KRT20: variants seen among roughly 807,000 people sequenced by gnomAD.
The protein encoded by KRT20 is keratin 20, also known as keratin, type I cytoskeletal 20.
KRT20 carries 41 observed loss-of-function variants against 43.0 expected under a neutral mutation model. That is an observed-to-expected ratio of 0.95 (90% confidence interval 0.74 to 1.24). KRT20 has a LOEUF of 1.24. Among genes scored for constraint, KRT20 ranks in the 50% most tolerant of loss-of-function variants. The pLI is 0.00. For missense variants in KRT20, 533 were observed against 521.2 expected, an observed-to-expected ratio of 1.02 and a Z score of -0.22; for synonymous variants, 207 against 200.6, an observed-to-expected ratio of 1.03 and a Z score of -0.27.
intron 5 of KRT20, among the ~76,000 whole-genome samples, chr17:40,878,775 T>A (rs139520871): frequency 9.7e-4 from 148 of 151,914 alleles, no homozygotes; most frequent in African/African-American, 3.6e-3. Context: ...GTTAATAAAA[T>A]GCAGGTCAAA....
chr17:40,876,428 A>G lies in KRT20; in HGVS notation c.1208T>C (p.Val403Ala), dbSNP rs917171099. 18 of 1,613,018 alleles carry G rather than the reference A, an allele frequency of 1.1e-5. No individual in the cohort carries two copies. The highest frequency in any genetic ancestry group is 1.4e-5 in the Non-Finnish European group (17 of 1,179,070). ...CTTGCCATCCACTACTTCTTGCACG[A>G]CTGTCTTAATCTTCCTGGTTTTCTT... ...DIKKTRKIKT[V>A]VQEVVDGKVV... is the part of the protein sequence containing the mutation. The change falls in exon 8 of 8, where the codon GTC becomes GCC. Residue 403 changes from valine (V) to alanine (A), a missense_variant. Transcript: ENST00000167588.
In KRT20 at chr17:40,878,362, C is replaced by T; in HGVS notation, c.922G>A (p.Glu308Lys). ...TCCTCTAGAGTGTGCTCCAAAGACT[C>T]TTTCTATGAGCACAAGAAAAATAGG... is the stretch of plus-strand genomic sequence containing the variant. ...IELQSHLSMK[E>K]SLEHTLEETK... Residue 308 changes from glutamate (E) to lysine (K), a missense_variant, in exon 6 of 8, where the codon GAG becomes AAG. By Grantham distance (56) the Glu-to-Lys change is moderately conservative. Transcript: ENST00000167588. 6.2e-7 allele frequency: 1 copy of T among 1,611,732 alleles called. No individual in the cohort carries two copies. Among genetic ancestry groups the T allele is most frequent in the Non-Finnish European group, 8.5e-7 (1 of 1,178,176 alleles).
In KRT20 at chr17:40,880,257, A is replaced by T; in HGVS notation, c.635T>A (p.Val212Asp). 1.9e-6 allele frequency: 3 copies of T among 1,594,034 alleles called. No individual in the cohort carries two copies. The highest frequency in any genetic ancestry group is 1.7e-4 in the Middle Eastern group (1 of 5,970). The change falls in exon 4 of 8, where the codon GTC (valine) becomes GAC (aspartate). Residue 212 changes from valine to aspartate, a missense_variant. Coordinates refer to ENST00000167588, the MANE Select transcript of KRT20 (RefSeq NM_019010.3). ...GCCCAGATGCTTGTGTAGGCCATCG[A>T]CTTCCTATGAAAGTGAAATTTCTGA... ...ALLKKEHQEE[V>D]DGLHKHLGNT...
rs748945864 is a variant in KRT20 at position 40,879,862 on chromosome 17, C to T, written c.869G>A (p.Arg290Lys). Residue 290 changes from arginine (R) to lysine (K), a missense_variant, in exon 5 of 8, where the codon AGA becomes AAA. Coordinates refer to ENST00000167588, the MANE Select transcript of KRT20 (RefSeq NM_019010.3). The part of the protein sequence containing the change: ...KGTEVQLTEL[R>K]RTSQSLEIEL... ...TATCTCAAGGCTCTGGGAGGTGCGT[C>T]TCAGCTCCGTTAGTTGAACCTCAGT... is the stretch of plus-strand genomic sequence containing the variant. The T allele has an allele frequency of 2.5e-6, 4 of 1,613,344 alleles. No individual in the cohort carries two copies. Among genetic ancestry groups the T allele is most frequent in the Non-Finnish European group, 2.5e-6 (3 of 1,179,950 alleles).
chr17:40,882,702 T>C, intron 1 of KRT20, 48 bp from the exon 2 acceptor site: 1 of 580,482 alleles, frequency 1.7e-6, no homozygotes, highest in South Asian at 4.7e-5. Flanking sequence ...TATTTATTTA[T>C]TTATTTATTT....
chr17:40,885,076 C>G lies in KRT20; in HGVS notation c.110G>C (p.Gly37Ala), dbSNP rs758318989. ...QRLGTTPSVY[G>A]GAGGRGIRIS... ...GCGGATGCCCCGGCCTCCAGCACCCCCATAAACGCTGGGTGTCGTCCCGAG... is the reference window on the plus strand; with the variant it reads ...GCGGATGCCCCGGCCTCCAGCACCCGCATAAACGCTGGGTGTCGTCCCGAG... The change falls in exon 1 of 8, where the codon GGG becomes GCG. Residue 37 changes from glycine (G) to alanine (A), a missense_variant. By Grantham distance (60) the Gly-to-Ala change is moderately conservative (BLOSUM62 0). Coordinates refer to ENST00000167588, the MANE Select transcript of KRT20 (RefSeq NM_019010.3). The G allele has an allele frequency of 1.2e-6, 2 of 1,614,156 alleles. No homozygotes were observed. Among genetic ancestry groups the G allele is most frequent in the Non-Finnish European group, 1.7e-6 (2 of 1,180,028 alleles).
intron 6 of KRT20, among the ~76,000 whole-genome samples, chr17:40,877,638 A>G (rs1054549008): frequency 4.6e-5 from 7 of 152,164 alleles, no homozygotes; most frequent in African/African-American, 1.7e-4. Context: ...AGTTTAATAT[A>G]TGCTAAGAAG....
rs1489194924 is a variant in KRT20 at position 40,876,022 on chromosome 17, A to G, written c.*339T>C. 5.3e-6 allele frequency: 1 copy of G among 188,190 alleles called. No individual in the cohort carries two copies. 11.7% of individuals were successfully genotyped at this position (188,190 alleles called of 1,614,324 possible). On this transcript the variant is annotated 3_prime_UTR_variant, in exon 8 of 8. Transcript: ENST00000167588. The stretch of plus-strand genomic sequence containing the variant: ...TACTTTGTGAGGTTTAGTATAATTG[A>G]AATGTATTGCAATTTTCAGGAACAT...
intron 2 of KRT20, among the ~76,000 whole-genome samples, chr17:40,882,177 G>A (rs1907628287): frequency 6.6e-6 from 1 of 152,130 alleles, no homozygotes; most frequent in Non-Finnish European, 1.5e-5. Flanking sequence ...AGAATTACTT[G>A]GAGAATCACC....
chr17:40,882,412 T>C, intron 2 of KRT20, 160 bp downstream of exon 2: 2 of 318,632 alleles, frequency 6.3e-6, no homozygotes, highest in Non-Finnish European at 6.0e-6. Context: ...GAGTGCTGGG[T>C]TAGCTTCATA....
chr17:40,880,264 A>G lies in KRT20; in HGVS notation c.631-3T>C. On this transcript the variant is annotated splice_region_variant and splice_polypyrimidine_tract_variant and intron_variant, in intron 3 of 7. Transcript: ENST00000167588. The stretch of plus-strand genomic sequence containing the variant: ...TGCTTGTGTAGGCCATCGACTTCCT[A>G]TGAAAGTGAAATTTCTGATTGATTT... 6.3e-7 allele frequency: 1 copy of G among 1,588,960 alleles called. No homozygotes were observed. Among genetic ancestry groups the G allele is most frequent in the Non-Finnish European group, 8.6e-7 (1 of 1,165,914 alleles).
In KRT20 at chr17:40,880,253, A is replaced by AATT; in HGVS notation, c.638_639insAAT (p.Asp213delinsGluIle). 1 of 1,596,442 alleles carries AATT rather than the reference A, an allele frequency of 6.3e-7. No homozygotes were observed. The highest frequency in any genetic ancestry group is 1.1e-5 in the South Asian group (1 of 89,508). On this transcript the variant is annotated protein_altering_variant, in exon 4 of 8. Coordinates refer to ENST00000167588, the MANE Select transcript of KRT20 (RefSeq NM_019010.3). The stretch of plus-strand genomic sequence containing the variant: ...TGTTGCCCAGATGCTTGTGTAGGCC[A>AATT]TCGACTTCCTATGAAAGTGAAATTT...
chr17:40,884,786 C>A lies in KRT20; in HGVS notation c.390+10G>T. ...AACACAGAGTAGGAAACACAAGCATCATCTCTCACCTGACTTCGCAGCTCT... is the reference window on the plus strand; with the variant it reads ...AACACAGAGTAGGAAACACAAGCATAATCTCTCACCTGACTTCGCAGCTCT... On this transcript the variant is annotated intron_variant, in intron 1 of 7. Coordinates refer to ENST00000167588, the MANE Select transcript of KRT20 (RefSeq NM_019010.3). 2 of 1,605,194 alleles carry A rather than the reference C, an allele frequency of 1.2e-6. No individual in the cohort carries two copies. Among genetic ancestry groups the A allele is most frequent in the Non-Finnish European group, 1.7e-6 (2 of 1,174,160 alleles).
intron 1 of KRT20, among the ~76,000 whole-genome samples, chr17:40,883,404 A>G (rs1262391683): frequency 6.6e-6 from 1 of 152,178 alleles, no homozygotes; most frequent in Non-Finnish European, 1.5e-5. Context: ...GAACTGGATG[A>G]TCTGCCTGTG....
chr17:40,880,899 T>A, intron 2 of KRT20, 129 bp from the exon 3 acceptor site: 1 of 585,540 alleles, frequency 1.7e-6, no homozygotes, highest in Admixed American at 3.2e-5. Flanking sequence ...TTATAATGTC[T>A]GCCTTTACAC....
intron 1 of KRT20, among the ~76,000 whole-genome samples, chr17:40,884,412 G>C (rs528974749): frequency 6.6e-6 from 1 of 152,048 alleles, no homozygotes; most frequent in Non-Finnish European, 1.5e-5. Context: ...GAATTTACTG[G>C]GGTTTCAAAA....
rs775956121 is a variant in KRT20 at position 40,876,434 on chromosome 17, T to C, written c.1202A>G (p.Lys401Arg). The C allele has an allele frequency of 6.2e-7, 1 of 1,612,336 alleles. No individual in the cohort carries two copies. The highest frequency in any genetic ancestry group is 8.5e-7 in the Non-Finnish European group (1 of 1,178,490). The change falls in exon 8 of 8, where the codon AAG (lysine) becomes AGG (arginine). Residue 401 changes from lysine to arginine, a missense_variant. Physicochemically the swap from Lys to Arg is conservative, Grantham distance 26. Transcript: ENST00000167588. ...ERDIKKTRKI[K>R]TVVQEVVDGK... ...ATCCACTACTTCTTGCACGACTGTCTTAATCTTCCTGGTTTTCTTTATATC... is the reference window on the plus strand; with the variant it reads ...ATCCACTACTTCTTGCACGACTGTCCTAATCTTCCTGGTTTTCTTTATATC...
At chr17:40,882,493 A>G (rs1301373695) in intron 2 of KRT20, 79 bp downstream of exon 2, 2 of 625,312 alleles carry the variant, frequency 3.2e-6, no homozygotes, top group South Asian at 5.4e-5. Flanking sequence ...ATCAACAATG[A>G]TATGGAAAGC....
intron 1 of KRT20, 132 bp downstream of exon 1, chr17:40,884,664 A>G (rs1597854496): frequency 3.0e-6 from 3 of 1,014,730 alleles, no homozygotes; most frequent in East Asian, 2.5e-5. Flanking sequence ...GGTAGATGAA[A>G]GAATTTTTAT....
Sources: allele counts gnomAD v4.1 joint callset (sites outside exome capture counted in the v4.1 genomes callset), GRCh38; gene constraint gnomAD v4.1.1; transcripts MANE v1.5; gene names NCBI Gene and HGNC (gene_info 2026-07-23, HGNC 2026-07-21).